NXPE2: variants seen among roughly 807,000 people sequenced by gnomAD.
NXPE2 encodes the protein neurexophilin and PC-esterase domain family member 2.
A neutral mutation model predicts 34.4 loss-of-function variants in NXPE2; 34 were observed. That is an observed-to-expected ratio of 0.99 (90% CI 0.75 to 1.31). The LOEUF (loss-of-function observed/expected upper bound fraction) is 1.31. Ranked by LOEUF, NXPE2 falls within the 40% of genes most tolerant of loss-of-function variation. The probability of loss-of-function intolerance (pLI) is 0.00; values close to 1 mark genes in which losing one functional copy is unlikely to be tolerated. For synonymous variants in NXPE2, 235 were observed against 231.3 expected (o/e 1.02, Z -0.15); for missense variants, 649 against 672.5 (o/e 0.97, Z 0.39).
chr11:114,543,381 T>C, the NXPE2 span, among the ~76,000 whole-genome samples: 146 of 149,472 alleles, frequency 9.8e-4, no homozygotes, highest in African/African-American at 3.1e-3. Flanking sequence ...ATTATATATA[T>C]TATATATTAG....
At chr11:114,492,278 T>C in the NXPE2 span, among the ~76,000 whole-genome samples, 1 of 152,200 alleles carries the variant, frequency 6.6e-6, no homozygotes, top group Non-Finnish European at 1.5e-5. Flanking sequence ...TGTTTAATTT[T>C]CGTGTATTTG....
At chr11:114,477,010 G>A in the NXPE2 span, among the ~76,000 whole-genome samples, 1 of 152,190 alleles carries the variant, frequency 6.6e-6, no homozygotes, top group Non-Finnish European at 1.5e-5. Flanking sequence ...TTGCACATGA[G>A]TGTTTATGAT....
At chr11:114,764,427 TAAAAAAA>T in the NXPE2 span, among the ~76,000 whole-genome samples, 1 of 150,114 alleles carries the variant, frequency 6.7e-6, no homozygotes, top group African/African-American at 2.4e-5. Flanking sequence ...TAGTTTTCTT[TAAAAAAA>T]AAAAAAAGGA....
At position 114,698,446 on chromosome 11, in the gene NXPE2, C is replaced by A. The variant is rs773961949; in HGVS notation, c.534C>A (p.Ser178Arg). The A allele has an allele frequency of 1.9e-6, 3 of 1,614,010 alleles. No homozygotes were observed. The highest frequency in any genetic ancestry group is 3.3e-5 in the Admixed American group (2 of 60,008). ...TDFNNGTYLV[S>R]FTLFWEGQVS... ...TCAACAACGGCACCTACCTGGTCAG[C>A]TTCACTCTGTTCTGGGAGGGCCAGG... Residue 178 changes from serine to arginine, a missense_variant, in exon 3 of 6, where the codon AGC (serine) becomes AGA (arginine). By Grantham distance (110) the Ser-to-Arg change is moderately radical. Coordinates refer to ENST00000389586, the MANE Select transcript of NXPE2 (RefSeq NM_182495.6).
In NXPE2 at chr11:114,679,644, T is replaced by A. The variant is rs1004627778; in HGVS notation, c.27-13T>A. 41 of 1,482,018 alleles carry A rather than the reference T, an allele frequency of 2.8e-5. No homozygotes were observed. In the Admixed American group the frequency reaches 7.9e-4, roughly 28 times the overall value. The allele number at this position is 1,482,018 out of a possible 1,614,324, so 91.8% of individuals were successfully genotyped here. On this transcript the variant is annotated splice_polypyrimidine_tract_variant and intron_variant, in intron 1 of 5. Transcript: ENST00000389586. The stretch of plus-strand genomic sequence containing the variant: ...TGATTTAATGTGATTATTTCTCCTG[T>A]CCTTTCTTATAGGATACTCACTTTG...
chr11:114,611,432 A>ATCAC, the NXPE2 span, among the ~76,000 whole-genome samples: 1 of 151,668 alleles, frequency 6.6e-6, no homozygotes, highest in African/African-American at 2.4e-5. Context: ...CTCTAGGGTA[A>ATCAC]TCACTGTTAC....
chr11:114,650,923 G>A, the NXPE2 span, among the ~76,000 whole-genome samples: 1 of 152,052 alleles, frequency 6.6e-6, no homozygotes, highest in African/African-American at 2.4e-5. Context: ...TGGTAATACT[G>A]GCTAACAGAG....
chr11:114,698,067 ATAT>A lies in NXPE2; in HGVS notation c.159_161del (p.Ile54del). ...CAGTTCTCGTTCAACTTGGAAAACCATATTATCCTGAACCAAGGGAACATCTTC... is the reference window on the plus strand; with the variant it reads ...CAGTTCTCGTTCAACTTGGAAAACCATATCCTGAACCAAGGGAACATCTTC... On this transcript the variant is annotated inframe_deletion, in exon 3 of 6. Coordinates refer to ENST00000389586, the MANE Select transcript of NXPE2 (RefSeq NM_182495.6). 6.4e-7 allele frequency: 1 copy of A among 1,553,886 alleles called. No homozygotes were observed. Among genetic ancestry groups the A allele is most frequent in the Non-Finnish European group, 8.7e-7 (1 of 1,147,344 alleles).
At chr11:114,663,586 C>CATCTATCT in the NXPE2 span, among the ~76,000 whole-genome samples, 4,446 of 132,872 alleles carry the variant, frequency 0.033, 102 homozygotes, top group African/African-American at 0.042. Context: ...CTCTATCTAT[C>CATCTATCT]ATCTATCTAT....
At chr11:114,493,362 GT>G in the NXPE2 span, among the ~76,000 whole-genome samples, 3 of 151,954 alleles carry the variant, frequency 2.0e-5, no homozygotes, top group Non-Finnish European at 4.4e-5. Context: ...TTTGTTATTT[GT>G]TTTCTGGTTA....
chr11:114,797,392 C>T, the NXPE2 span, among the ~76,000 whole-genome samples: 1 of 152,310 alleles, frequency 6.6e-6, no homozygotes, highest in South Asian at 2.1e-4. Flanking sequence ...CTTCTATTTT[C>T]TCTCCTTCTG....
chr11:114,802,841 G>T, the NXPE2 span, among the ~76,000 whole-genome samples: 1 of 151,914 alleles, frequency 6.6e-6, no homozygotes, highest in Non-Finnish European at 1.5e-5. Flanking sequence ...CTAAAGTTGA[G>T]ATTGATGTAC....
the NXPE2 span, among the ~76,000 whole-genome samples, chr11:114,645,337 CA>C: frequency 6.6e-6 from 1 of 151,834 alleles, no homozygotes; most frequent in Non-Finnish European, 1.5e-5. Flanking sequence ...ACCCAGTCCC[CA>C]AAAGATTCCC....
the NXPE2 span, among the ~76,000 whole-genome samples, chr11:114,531,936 C>T: frequency 1.3e-5 from 2 of 152,166 alleles, no homozygotes; most frequent in East Asian, 1.9e-4. Context: ...AAAATATGCA[C>T]TCTTAGGCTT....
chr11:114,594,533 T>C, the NXPE2 span: 11 of 657,178 alleles, frequency 1.7e-5, 1 homozygote, highest in Admixed American at 3.3e-4. Context: ...ATCAGGTATG[T>C]TGTTTGGTAT....
At chr11:114,475,246 T>G in the NXPE2 span, among the ~76,000 whole-genome samples, 23,565 of 83,022 alleles carry the variant, frequency 0.28, 2,384 homozygotes, top group South Asian at 0.37. Context: ...TTTTTTTTTT[T>G]TTTTTTTTTT....
chr11:114,778,764 C>G, the NXPE2 span, among the ~76,000 whole-genome samples: 1 of 152,196 alleles, frequency 6.6e-6, no homozygotes, highest in African/African-American at 2.4e-5. Flanking sequence ...TCTCCCAAAC[C>G]ACTTCCTGCA....
At chr11:114,498,085 A>T in the NXPE2 span, among the ~76,000 whole-genome samples, 1 of 152,008 alleles carries the variant, frequency 6.6e-6, no homozygotes, top group African/African-American at 2.4e-5. Flanking sequence ...TACTGTTGAG[A>T]TCTATGTATA....
At chr11:114,790,147 AT>A in the NXPE2 span, among the ~76,000 whole-genome samples, 1 of 152,176 alleles carries the variant, frequency 6.6e-6, no homozygotes, top group African/African-American at 2.4e-5. Context: ...ATTAAAGCTC[AT>A]CTTGACTCAG....
Sources: allele counts gnomAD v4.1 joint callset (sites outside exome capture counted in the v4.1 genomes callset), GRCh38; gene constraint gnomAD v4.1.1; transcripts MANE v1.5; gene names NCBI Gene and HGNC (gene_info 2026-07-23, HGNC 2026-07-21).